The following IRX4 variants were observed in gnomAD, a reference collection of about 807,000 sequenced individuals.
The protein encoded by IRX4 is iroquois-class homeodomain protein IRX-4.
IRX4 carries 22 observed loss-of-function variants against 32.0 expected under a neutral mutation model. The ratio of observed to expected loss-of-function variants is 0.69; its 90% CI spans 0.49 to 0.98. The LOEUF is 0.98. Ranked by LOEUF, IRX4 falls within the 50% of genes least tolerant of loss-of-function variation. IRX4 has a pLI of 0.00. For synonymous variants in IRX4, 379 were observed against 351.7 expected (o/e 1.08, Z -0.87); for missense variants, 840 against 744.2 (o/e 1.13, Z -1.50).
intron 4 of IRX4, 30 bp from the exon 5 acceptor site, chr5:1,878,822 G>A: frequency 1.2e-6 from 2 of 1,608,526 alleles, no homozygotes; most frequent in African/African-American, 1.3e-5. Context: ...GCCAGTGGAG[G>A]GAGAGGGTTG....
Position 1,879,523 on chromosome 5 carries a change from G to A in IRX4, c.717C>T (p.Leu239=), listed in dbSNP as rs748763541. 6.2e-7 allele frequency: 1 copy of A among 1,613,112 alleles called. No individual in the cohort carries two copies. Among genetic ancestry groups the A allele is most frequent in the Non-Finnish European group, 8.5e-7 (1 of 1,180,028 alleles). Residue 239 remains leucine, a synonymous_variant, in exon 4 of 5, where the codon CTC becomes CTT. Transcript: ENST00000231357. The part of the protein sequence containing the change: ...GGEEEAREEP[L]KSSKNAEPVG... ...ACCCACCTGCGTTCTTGGAGCTCTT[G>A]AGGGGCTCCTCCCGCGCCTCCTCCT...
chr5:1,885,630 C>T (rs1468937270), upstream of IRX4, among the ~76,000 whole-genome samples: 1 of 152,176 alleles, frequency 6.6e-6, no homozygotes, highest in Non-Finnish European at 1.5e-5. Flanking sequence ...ACTACTCATT[C>T]CAGGACACAG....
intron 3 of IRX4, 32 bp from the exon 4 acceptor site, chr5:1,879,864 G>A (rs1349585437): frequency 6.2e-7 from 1 of 1,610,160 alleles, no homozygotes; most frequent in Non-Finnish European, 8.5e-7. Flanking sequence ...GGCTCAGGCT[G>A]GGCCCTCTGG....
At chr5:1,886,388 G>A (rs1735631231), upstream of IRX4, among the ~76,000 whole-genome samples, 2 of 152,240 alleles carry the variant, frequency 1.3e-5, no homozygotes, top group Non-Finnish European at 2.9e-5. Flanking sequence ...GGGCGCCTGT[G>A]CCCGCCCACC....
intron 3 of IRX4, chr5:1,880,228 G>A: frequency 9.0e-7 from 1 of 1,116,192 alleles, no homozygotes. Context: ...CTGCCCAGGA[G>A]GAGAAAGCAC....
In IRX4 at chr5:1,881,919, G is replaced by C. The variant is rs769484963; in HGVS notation, c.186C>G (p.His62Gln). 2 of 1,579,758 alleles carry C rather than the reference G, an allele frequency of 1.3e-6. No individual in the cohort carries two copies. Among genetic ancestry groups the C allele is most frequent in the Admixed American group, 3.6e-5 (2 of 56,140 alleles). ...CCAGCGCCGCGGCCGAGTTGAGCTC[G>C]TGGCGCGCGGTGGCCAGCAGCCGGC... ...YESRLLATAR[H>Q]ELNSAAALGV... Residue 62 changes from histidine (H) to glutamine (Q), a missense_variant, in exon 2 of 5, where the codon CAC becomes CAG. Coordinates refer to ENST00000231357, the MANE Select transcript of IRX4 (RefSeq NM_016358.3).
At chr5:1,881,685 C>T in intron 2 of IRX4, 123 bp downstream of exon 2, 1 of 1,245,006 alleles carries the variant, frequency 8.0e-7, no homozygotes, top group African/African-American at 1.5e-5. Context: ...TGAAGGCAGC[C>T]AAGGTGAGCG....
In IRX4 at chr5:1,878,336, T is replaced by A; in HGVS notation, c.1193A>T (p.Gln398Leu). 6.5e-7 allele frequency: 1 copy of A among 1,550,364 alleles called. No individual in the cohort carries two copies. The change falls in exon 5 of 5, where the codon CAA becomes CTA. Residue 398 changes from glutamine (Q) to leucine (L), a missense_variant. This residue lies in a region of IRX4 where 585 missense variants were observed against 488.0 expected (regional missense o/e 1.20). Transcript: ENST00000231357. ...CACAGCCGCAGGGGCCGCGGGACCT[T>A]GGCGCTTGAGCATGCACGACGGAAA... is the stretch of plus-strand genomic sequence containing the variant. ...TEFPSCMLKRQGPAAPAAVSS... is the reference protein window; with the variant it reads ...TEFPSCMLKRLGPAAPAAVSS...
rs1359600322 is a variant in IRX4, at chr5:1,877,773, G to T, written c.*196C>A. On this transcript the variant is annotated 3_prime_UTR_variant, in exon 5 of 5. Transcript: ENST00000231357. ...TTGGGAATGGCCCGGTCAGGCTCAG[G>T]CCCAGGCGGTGGAGGCCCCGGCGTG... is the stretch of plus-strand genomic sequence containing the variant. 1 of 577,984 alleles carries T rather than the reference G, an allele frequency of 1.7e-6. No homozygotes were observed. The highest frequency in any genetic ancestry group is 2.9e-6 in the Non-Finnish European group (1 of 340,412). 35.8% of individuals were successfully genotyped at this position (577,984 alleles called of 1,614,324 possible). A position where few individuals can be genotyped will look rare whatever the true frequency, so the allele number is the denominator to read the frequency against.
chr5:1,881,216 T>C (rs1342554948), intron 2 of IRX4: 2 of 230,162 alleles, frequency 8.7e-6, no homozygotes, highest in Non-Finnish European at 1.6e-5. Context: ...TGGGATGCAC[T>C]CAAGTGGGGA....
rs1735444153 is a variant in IRX4 at position 1,881,665 on chromosome 5, G to C, written c.297+143C>G. The C allele has an allele frequency of 2.9e-6, 3 of 1,031,270 alleles. No individual in the cohort carries two copies. The East Asian group carries it at 7.9e-5, about 27-fold the overall frequency. 63.9% of individuals were successfully genotyped at this position (1,031,270 alleles called of 1,614,324 possible). On this transcript the variant is annotated intron_variant, in intron 2 of 4. Coordinates refer to ENST00000231357, the MANE Select transcript of IRX4 (RefSeq NM_016358.3). ...GGGGTTCTGAGGGTCTCGGCTGGGA[G>C]GCGCAAAGTTGAAGGCAGCCAAGGT...
At chr5:1,884,281 G>T (rs150978069), upstream of IRX4, 2,137 of 152,388 alleles carry the variant, frequency 0.014, 28 homozygotes, top group Middle Eastern at 0.044. Flanking sequence ...AAAGATTCCT[G>T]GGTTCAGACC....
In IRX4 at chr5:1,878,162, G is replaced by A; in HGVS notation, c.1367C>T (p.Ala456Val). ...GAGGGCGCCCTTGGCGGTGGCCCAG[G>A]CCTGGTTCAAAGTGCTGTGCCTGAG... ...PILRHSTLNQAWATAKGALLD... is the reference protein window; with the variant it reads ...PILRHSTLNQVWATAKGALLD... The change falls in exon 5 of 5, where the codon GCC becomes GTC. Residue 456 changes from alanine to valine, a missense_variant. This residue lies in a region of IRX4 where 585 missense variants were observed against 488.0 expected (regional missense o/e 1.20). Transcript: ENST00000231357. 6.4e-7 allele frequency: 1 copy of A among 1,573,442 alleles called. No homozygotes were observed. The highest frequency in any genetic ancestry group is 8.6e-7 in the Non-Finnish European group (1 of 1,163,178).
chr5:1,881,620 C>G (rs1002904484), intron 2 of IRX4, among the ~76,000 whole-genome samples, 188 bp downstream of exon 2: 15 of 146,532 alleles, frequency 1.0e-4, no homozygotes, highest in African/African-American at 3.0e-4. Context: ...GCCGGGTCAT[C>G]TGTCCCAGGG....
chr5:1,882,076 C>A lies in IRX4; in HGVS notation c.46-17G>T. The A allele has an allele frequency of 6.5e-7, 1 of 1,546,520 alleles. No individual in the cohort carries two copies. Among genetic ancestry groups the A allele is most frequent in the Admixed American group, 2.0e-5 (1 of 51,116 alleles). ...CATCAAGAACTGCAGAGAGAGGCCG[C>A]GAGGACTGGCGGGAAGCCGGGCTGG... On this transcript the variant is annotated splice_polypyrimidine_tract_variant and intron_variant, in intron 1 of 4. Coordinates refer to ENST00000231357, the MANE Select transcript of IRX4 (RefSeq NM_016358.3).
chr5:1,878,410 G>A lies in IRX4; in HGVS notation c.1119C>T (p.His373=), dbSNP rs1194999371. 1 of 1,525,172 alleles carries A rather than the reference G, an allele frequency of 6.6e-7. No homozygotes were observed. The highest frequency in any genetic ancestry group is 2.5e-5 in the East Asian group (1 of 40,650). 94.5% of individuals were successfully genotyped at this position (1,525,172 alleles called of 1,614,324 possible). A position where few individuals can be genotyped will look rare whatever the true frequency, so the allele number is the denominator to read the frequency against. ...CGGCGGCGGCGGCGGCGGTGGCTGT[G>A]TGGGCCAGGGACCAGATGCGCGGCT... ...EAKPRIWSLA[H]TATAAAAAAT... is the part of the protein sequence containing the mutation. The change falls in exon 5 of 5, where the codon CAC becomes CAT. Residue 373 remains histidine (H), a synonymous_variant. Coordinates refer to ENST00000231357, the MANE Select transcript of IRX4 (RefSeq NM_016358.3).
rs756118682 is a variant in IRX4 at position 1,878,697 on chromosome 5, G to A, written c.832C>T (p.Pro278Ser). 6.2e-6 allele frequency: 10 copies of A among 1,610,906 alleles called. No individual in the cohort carries two copies. The African/African-American group carries it at 1.1e-4, about 17-fold the overall frequency. ...AGACCGCCGTCCAGGGAGTGGAAGG[G>A]CGGCTTCAGCTCGCACGCCGGCGGC... ...AEPPACELKPPFHSLDGGLER... is the reference protein window; with the variant it reads ...AEPPACELKPSFHSLDGGLER... The change falls in exon 5 of 5, where the codon CCC becomes TCC. Residue 278 changes from proline to serine, a missense_variant. Around this residue, in one of 3 missense-constraint regions of IRX4, gnomAD observed 585 missense variants for 488.0 expected, o/e 1.20. Transcript: ENST00000231357.
rs1030233203 is a variant in IRX4, at chr5:1,877,680, C to G, written c.*289G>C. 3 of 434,816 alleles carry G rather than the reference C, an allele frequency of 6.9e-6. No individual in the cohort carries two copies. The highest frequency in any genetic ancestry group is 4.4e-5 in the Admixed American group (1 of 22,574). 26.9% of individuals were successfully genotyped at this position (434,816 alleles called of 1,614,324 possible). ...CCGCCTTCTCCATGTAAACTTTTGACGTAAACTTTATGCTTCAGGGTATCT... is the reference window on the plus strand; with the variant it reads ...CCGCCTTCTCCATGTAAACTTTTGAGGTAAACTTTATGCTTCAGGGTATCT... On this transcript the variant is annotated 3_prime_UTR_variant, in exon 5 of 5. Transcript: ENST00000231357.
chr5:1,878,867 TTA>T, intron 4 of IRX4, 75 bp from the exon 5 acceptor site: 1 of 1,479,774 alleles, frequency 6.8e-7, no homozygotes, highest in South Asian at 1.1e-5. Context: ...CCGTCCACCA[TTA>T]TGAGGCCTGT....
Sources: allele counts gnomAD v4.1 joint callset (sites outside exome capture counted in the v4.1 genomes callset), GRCh38; gene constraint gnomAD v4.1.1; regional missense constraint gnomAD v4.1.1; transcripts MANE v1.5; gene names NCBI Gene and HGNC (gene_info 2026-07-23, HGNC 2026-07-21).